Variants in DCC observed in about 807,000 individuals in gnomAD.
DCC encodes netrin receptor DCC.
In DCC, 58 loss-of-function variants were observed where a neutral mutation model predicts 172.5. The ratio of observed to expected loss-of-function variants is 0.34; its 90% confidence interval spans 0.27 to 0.42. The LOEUF (loss-of-function observed/expected upper bound fraction) is 0.42. Ranked by LOEUF, DCC falls within the 10% of genes least tolerant of loss-of-function variation. The pLI is 1.00. For missense variants in DCC, 1,740 were observed against 1,791.0 expected, an observed-to-expected ratio of 0.97 and a Z score of 0.51; for synonymous variants, 709 against 644.5, an observed-to-expected ratio of 1.10 and a Z score of -1.52.
Position 53,305,666 on chromosome 18 carries a change from G to T in DCC, c.2000G>T (p.Arg667Leu), listed in dbSNP as rs200099519. ...AAAATTCGACACAGAAAGACGACCC[G>T]CAGGGGTGAGATGGAAACACTGGAG... is the stretch of plus-strand genomic sequence containing the variant. ...GYKIRHRKTT[R>L]RGEMETLEPN... Residue 667 changes from arginine to leucine, a missense_variant, in exon 13 of 29, where the codon CGC becomes CTC. Transcript: ENST00000442544. The T allele has an allele frequency of 3.7e-6, 6 of 1,613,824 alleles. No individual in the cohort carries two copies. The African/African-American group carries it at 8.0e-5, about 22-fold the overall frequency.
chr18:52,526,214 G>A (rs1221991), intron 1 of DCC, among the ~76,000 whole-genome samples: 38,449 of 152,052 alleles, frequency 0.25, 5,115 homozygotes, highest in African/African-American at 0.33. Flanking sequence ...GGCAGGCCCA[G>A]TGGAGAGAAA....
chr18:52,595,791 A>G (rs1346967557), intron 1 of DCC, among the ~76,000 whole-genome samples: 1 of 152,186 alleles, frequency 6.6e-6, no homozygotes, highest in Non-Finnish European at 1.5e-5. Context: ...TCTGGGGTAG[A>G]TCTCTGAAAG....
At chr18:52,865,669 C>G (rs575029174) in intron 2 of DCC, among the ~76,000 whole-genome samples, 6 of 151,246 alleles carry the variant, frequency 4.0e-5, no homozygotes, top group African/African-American at 1.5e-4. Flanking sequence ...AGGGTCTGTT[C>G]ATACCCTTCA....
At chr18:52,931,883 G>C (rs1414803830) in intron 5 of DCC, 2 of 152,040 alleles carry the variant, frequency 1.3e-5, no homozygotes, top group African/African-American at 4.8e-5. Context: ...TGGCTTCAGT[G>C]GGCTTCGTAT....
At chr18:52,456,513 A>C (rs993780664) in intron 1 of DCC, among the ~76,000 whole-genome samples, 1 of 152,202 alleles carries the variant, frequency 6.6e-6, no homozygotes, top group Non-Finnish European at 1.5e-5. Flanking sequence ...AGTTTATCAC[A>C]TATTAACATG....
At chr18:53,286,447 A>G (rs113817309) in intron 12 of DCC, among the ~76,000 whole-genome samples, 1 of 152,152 alleles carries the variant, frequency 6.6e-6, no homozygotes. Context: ...ACCTTCCACC[A>G]TGATTGTGAG....
At chr18:53,115,403 G>T (rs1414434920) in intron 7 of DCC, among the ~76,000 whole-genome samples, 1 of 151,280 alleles carries the variant, frequency 6.6e-6, no homozygotes, top group Non-Finnish European at 1.5e-5. Flanking sequence ...AAGTTGGGGT[G>T]TGTGTGTGTG....
chr18:52,940,164 TAAC>T (rs760229264), intron 5 of DCC, among the ~76,000 whole-genome samples: 2 of 152,162 alleles, frequency 1.3e-5, no homozygotes, highest in East Asian at 3.9e-4. Context: ...AATGGAATGT[TAAC>T]AAGAGTAAGG....
chr18:52,973,769 A>G (rs1052327777), intron 5 of DCC, among the ~76,000 whole-genome samples: 2 of 152,212 alleles, frequency 1.3e-5, no homozygotes, highest in Admixed American at 6.5e-5. Flanking sequence ...GTGAATAGAG[A>G]AGAGGATGCT....
intron 16 of DCC, among the ~76,000 whole-genome samples, chr18:53,390,587 A>G (rs974468482): frequency 9.9e-5 from 15 of 152,236 alleles, no homozygotes; most frequent in African/African-American, 2.7e-4. Context: ...ACTACATAAT[A>G]TAAAGATTTT....
chr18:52,580,115 A>G (rs1176689187), intron 1 of DCC, among the ~76,000 whole-genome samples: 1 of 152,208 alleles, frequency 6.6e-6, no homozygotes, highest in African/African-American at 2.4e-5. Context: ...TCTGTGCTGC[A>G]AGTTGGGCTC....
chr18:53,443,655 A>G (rs1045271490), intron 22 of DCC, among the ~76,000 whole-genome samples: 1 of 152,216 alleles, frequency 6.6e-6, no homozygotes, highest in African/African-American at 2.4e-5. Context: ...ATTTCCTCTG[A>G]TGGATCTGAG....
chr18:53,393,108 C>A (rs566823055), intron 17 of DCC, among the ~76,000 whole-genome samples: 82 of 152,184 alleles, frequency 5.4e-4, no homozygotes, highest in African/African-American at 1.9e-3. Flanking sequence ...CTCCTGAATC[C>A]AGCCTCAAGC....
chr18:53,121,448 A>G (rs1258704052), intron 7 of DCC, among the ~76,000 whole-genome samples: 1 of 151,896 alleles, frequency 6.6e-6, no homozygotes. Flanking sequence ...TTGTCTTCCC[A>G]TTCAGATTCA....
chr18:52,980,386 C>G (rs2041190616), intron 5 of DCC, among the ~76,000 whole-genome samples: 1 of 152,048 alleles, frequency 6.6e-6, no homozygotes, highest in Admixed American at 6.6e-5. Flanking sequence ...ATCACAAAGT[C>G]CTGTTCACCT....
chr18:52,392,403 A>G (rs558341931), intron 1 of DCC, among the ~76,000 whole-genome samples: 1 of 152,230 alleles, frequency 6.6e-6, no homozygotes, highest in East Asian at 1.9e-4. Context: ...TAATGCTATT[A>G]ATAGGATGAC....
At chr18:53,361,122 AAC>A (rs2057940127) in intron 15 of DCC, among the ~76,000 whole-genome samples, 1 of 152,152 alleles carries the variant, frequency 6.6e-6, no homozygotes, top group Non-Finnish European at 1.5e-5. Context: ...AGGTCATGTG[AAC>A]ACAGACACAG....
chr18:52,384,586 G>A (rs146071855), intron 1 of DCC, among the ~76,000 whole-genome samples: 15 of 152,266 alleles, frequency 9.9e-5, no homozygotes, highest in Non-Finnish European at 1.6e-4. Context: ...CCCTGGGGTG[G>A]CGTGGCGGGG....
At chr18:53,207,257 C>T (rs1043570379) in intron 10 of DCC, among the ~76,000 whole-genome samples, 1 of 152,128 alleles carries the variant, frequency 6.6e-6, no homozygotes. Context: ...AAGTGTCTGA[C>T]AGTTTCAAGA....
Sources: gnomAD v4.1 joint callset for allele counts (sites outside exome capture counted in the v4.1 genomes callset) on GRCh38, gnomAD v4.1.1 for gene constraint, MANE v1.5 for transcripts, NCBI Gene and HGNC (gene_info 2026-07-23, HGNC 2026-07-21) for gene names.